NOTCH2: variants seen among roughly 807,000 people sequenced by gnomAD.
NOTCH2 encodes the protein neurogenic locus notch homolog protein 2.
Under a neutral mutation model 235.8 loss-of-function variants are expected in NOTCH2, and 29 were observed. The observed-to-expected ratio is 0.12, with a 90% confidence interval of 0.09 to 0.17. The LOEUF (loss-of-function observed/expected upper bound fraction) is 0.17, where lower values mean the gene tolerates loss of function less well. NOTCH2 is among the 10% of genes least tolerant of loss of function. NOTCH2 has a pLI of 1.00. For missense variants in NOTCH2, 2,285 were observed against 3,150.2 expected, an observed-to-expected ratio of 0.73 and a Z score of 6.57; for synonymous variants, 1,086 against 1,141.5, an observed-to-expected ratio of 0.95 and a Z score of 0.98.
At chr1:119,935,731 T>C in intron 21 of NOTCH2, 127 bp from the exon 22 acceptor site, 1 of 1,028,122 alleles carries the variant, frequency 9.7e-7, no homozygotes, top group Non-Finnish European at 1.5e-6. Flanking sequence ...TTGTATGTTT[T>C]CTCTGGAACC....
At chr1:119,983,754 T>C (rs782599199) in intron 5 of NOTCH2, among the ~76,000 whole-genome samples, 6 of 152,350 alleles carry the variant, frequency 3.9e-5, no homozygotes, top group African/African-American at 1.2e-4. Flanking sequence ...ATGCTCATCT[T>C]GAAGTGTAGA....
At chr1:119,931,649 C>T (rs1553195132) in intron 22 of NOTCH2, among the ~76,000 whole-genome samples, 1 of 151,872 alleles carries the variant, frequency 6.6e-6, no homozygotes, top group African/African-American at 2.4e-5. Flanking sequence ...GGCAAAGGTG[C>T]CATCTCAAAT....
At chr1:119,949,209 T>C in intron 15 of NOTCH2, 83 bp from the exon 16 acceptor site, 2 of 1,459,330 alleles carry the variant, frequency 1.4e-6, no homozygotes, top group Non-Finnish European at 1.9e-6. Flanking sequence ...GTTCTCTGAA[T>C]TCAAGTCAAA....
chr1:119,942,634 A>T (rs1329576436), intron 17 of NOTCH2, among the ~76,000 whole-genome samples: 1 of 152,238 alleles, frequency 6.6e-6, no homozygotes, highest in African/African-American at 2.4e-5. Context: ...TTTCCATAGC[A>T]TCTTTCAGGA....
chr1:119,918,594 G>T, intron 31 of NOTCH2, 41 bp from the exon 32 acceptor site: 1 of 1,607,452 alleles, frequency 6.2e-7, no homozygotes, highest in Non-Finnish European at 8.5e-7. Flanking sequence ...TCACCTGGAT[G>T]AAGGAAAATA....
In NOTCH2 at chr1:119,963,761, G is replaced by A. The variant is rs782749200; in HGVS notation, c.1728C>T (p.Pro576=). The change falls in exon 11 of 34, where the codon CCC becomes CCT. Residue 576 remains proline, a synonymous_variant. Coordinates refer to ENST00000256646, the MANE Select transcript of NOTCH2 (RefSeq NM_024408.4). ...GACACTGACCATGGTGGCAAGGATC[G>A]GGGTCACAGTTGTCAATGTTCTCCT... ...LCEENIDNCD[P]DPCHHGQCQD... 7.4e-6 allele frequency: 12 copies of A among 1,613,976 alleles called. No individual in the cohort carries two copies. The highest frequency in any genetic ancestry group is 6.7e-5 in the Admixed American group (4 of 59,998).
chr1:119,917,620 G>C lies in NOTCH2; in HGVS notation c.6027+45C>G, dbSNP rs587775374. 3.2e-5 allele frequency: 38 copies of C among 1,200,128 alleles called. No individual in the cohort carries two copies. The African/African-American group carries it at 4.2e-4, about 13-fold the overall frequency. 74.3% of individuals were successfully genotyped at this position (1,200,128 alleles called of 1,614,324 possible). A position where few individuals can be genotyped will look rare whatever the true frequency, so the allele number is the denominator to read the frequency against. On this transcript the variant is annotated intron_variant, in intron 33 of 33. Coordinates refer to ENST00000256646, the MANE Select transcript of NOTCH2 (RefSeq NM_024408.4). ...GAAACGGGAATGGGCTTATAACTGA[G>C]GCACTGCTATGAGCCTCCTCAAGCT... is the stretch of plus-strand genomic sequence containing the variant.
intron 1 of NOTCH2, among the ~76,000 whole-genome samples, chr1:120,062,906 C>T (rs1349432568): frequency 7.2e-5 from 11 of 152,182 alleles, no homozygotes; most frequent in African/African-American, 2.7e-4. Flanking sequence ...ATGGCTTTAT[C>T]ATCCCCCTTT....
chr1:120,041,067 A>T (rs1274444287), intron 1 of NOTCH2, among the ~76,000 whole-genome samples: 11 of 108,848 alleles, frequency 1.0e-4, no homozygotes, highest in East Asian at 4.3e-4. Context: ...AAAAAAAAAA[A>T]AAAAATATAT....
Position 119,912,907 on chromosome 1 carries a change from CA to C in NOTCH2, c.*2398del. 2 of 233,540 alleles carry C rather than the reference CA, an allele frequency of 8.6e-6. No homozygotes were observed. Among genetic ancestry groups the C allele is most frequent in the Admixed American group, 1.1e-4 (2 of 17,790 alleles). 14.5% of individuals were successfully genotyped at this position (233,540 alleles called of 1,614,324 possible). ...CTTTCACATTCCCTTTCTCCAAACC[CA>C]AAGGATCCAAATTAAAGTAGTCCAA... On this transcript the variant is annotated 3_prime_UTR_variant, in exon 34 of 34. Transcript: ENST00000256646.
chr1:119,932,584 T>C (rs1209796629), intron 22 of NOTCH2, among the ~76,000 whole-genome samples: 2 of 151,176 alleles, frequency 1.3e-5, no homozygotes, highest in African/African-American at 2.4e-5. Flanking sequence ...CAAAACTCCA[T>C]CTCAAAACAA....
rs1553196447 is a variant in NOTCH2, at chr1:119,941,512, G to A, written c.2981+14C>T. The A allele has an allele frequency of 6.4e-7, 1 of 1,565,270 alleles. No homozygotes were observed. Among genetic ancestry groups the A allele is most frequent in the Non-Finnish European group, 8.8e-7 (1 of 1,136,058 alleles). On this transcript the variant is annotated intron_variant, in intron 18 of 33. Transcript: ENST00000256646. ...TCTCGTAAGATGCTGATGCCCGAGG[G>A]ACTGGTTGCTCACCTCTCAGTGCAC...
intron 33 of NOTCH2, 147 bp from the exon 34 acceptor site, chr1:119,916,841 C>A: frequency 1.2e-6 from 1 of 817,368 alleles, no homozygotes; most frequent in Non-Finnish European, 2.0e-6. Flanking sequence ...ATAGGCTGTG[C>A]CTCTACCAAT....
intron 17 of NOTCH2, among the ~76,000 whole-genome samples, chr1:119,944,493 C>T (rs587625968): frequency 6.7e-6 from 1 of 150,140 alleles, no homozygotes; most frequent in Admixed American, 6.6e-5. Context: ...CAAGTTCACG[C>T]CACTGCACTC....
At chr1:119,932,346 G>A (rs1439035475) in intron 22 of NOTCH2, among the ~76,000 whole-genome samples, 1 of 152,142 alleles carries the variant, frequency 6.6e-6, no homozygotes, top group African/African-American at 2.4e-5. Context: ...CCAGCACTTT[G>A]GGAGGCTGAG....
chr1:119,984,376 A>G (rs1553201999), intron 5 of NOTCH2, among the ~76,000 whole-genome samples: 1 of 152,236 alleles, frequency 6.6e-6, no homozygotes, highest in Non-Finnish European at 1.5e-5. Context: ...TGGGCAAATT[A>G]TTTAACCCTT....
At chr1:120,033,118 A>C (rs1443900857) in intron 1 of NOTCH2, among the ~76,000 whole-genome samples, 1 of 147,992 alleles carries the variant, frequency 6.8e-6, no homozygotes, top group Non-Finnish European at 1.5e-5. Flanking sequence ...TCAACAGATG[A>C]ATGGATAAAT....
At position 119,921,115 on chromosome 1, in the gene NOTCH2, C is replaced by G. The variant is rs587757178; in HGVS notation, c.5310+598G>C. On this transcript the variant is annotated intron_variant, in intron 29 of 33. Transcript: ENST00000256646. ...CAGAGTTTTGGATTTGAATCCAGTT[C>G]TGATATTAACTAAAGCAATCTTCTT... Among the ~76,000 whole-genome samples the G allele has an allele frequency of 2.1e-3, 326 of 152,316 alleles. 1 individual carries two copies. Among genetic ancestry groups the G allele is most frequent in the African/African-American group, 6.4e-3 (267 of 41,564 alleles).
At chr1:120,038,170 T>G (rs1553212200) in intron 1 of NOTCH2, among the ~76,000 whole-genome samples, 3 of 152,212 alleles carry the variant, frequency 2.0e-5, no homozygotes, top group African/African-American at 7.2e-5. Flanking sequence ...ATGGGTTAAA[T>G]TTCAATACCT....
Sources: allele counts gnomAD v4.1 joint callset (sites outside exome capture counted in the v4.1 genomes callset), GRCh38; gene constraint gnomAD v4.1.1; transcripts MANE v1.5; gene names NCBI Gene and HGNC (gene_info 2026-07-23, HGNC 2026-07-21).